The following DENND1B variants were observed in gnomAD, a reference collection of about 807,000 sequenced individuals.
DENND1B encodes DENN domain containing 1B.
DENND1B carries 59 observed loss-of-function variants against 90.1 expected under a neutral mutation model. That is an observed-to-expected ratio of 0.65 (90% CI 0.53 to 0.81). The LOEUF is 0.81. Among genes scored for constraint, DENND1B ranks in the 40% least tolerant of loss-of-function variants. DENND1B has a pLI of 0.00. For synonymous variants in DENND1B, 337 were observed against 324.6 expected (o/e 1.04, Z -0.41); for missense variants, 862 against 912.6 (o/e 0.94, Z 0.71).
Position 197,770,650 on chromosome 1 carries a change from ATATAT to A in DENND1B, c.82+2213_82+2217del, listed in dbSNP as rs1279373826. Among the ~76,000 whole-genome samples, 352 of 144,652 alleles carry A rather than the reference ATATAT, an allele frequency of 2.4e-3. 6 individuals are homozygous for A. The highest frequency in any genetic ancestry group is 7.7e-3 in the East Asian group (39 of 5,086). The allele number at this position is 144,652 out of a possible 152,430, so 94.9% of individuals were successfully genotyped here. On this transcript the variant is annotated intron_variant, in intron 2 of 22. Transcript: ENST00000620048. ...TATATAAAAATATATATCTATAAAT[ATATAT>A]CTATAAATATATATCTATAAATATA...
intron 7 of DENND1B, 50 bp from the exon 8 acceptor site, chr1:197,647,164 G>T: frequency 7.8e-7 from 1 of 1,283,984 alleles, no homozygotes; most frequent in Non-Finnish European, 1.0e-6. Context: ...CATGGGAGAA[G>T]CTTACACAAC....
chr1:197,642,353 T>C (rs1369365003), intron 10 of DENND1B, among the ~76,000 whole-genome samples: 1 of 152,186 alleles, frequency 6.6e-6, no homozygotes, highest in Non-Finnish European at 1.5e-5. Context: ...GGCCCCTTGA[T>C]TTCTTTCAAG....
chr1:197,537,971 T>C (rs960662194), intron 20 of DENND1B, among the ~76,000 whole-genome samples: 1 of 152,038 alleles, frequency 6.6e-6, no homozygotes. Context: ...ATTACATTCA[T>C]GAATCATAAC....
chr1:197,719,655 T>C (rs1660973277), intron 2 of DENND1B, among the ~76,000 whole-genome samples: 1 of 152,166 alleles, frequency 6.6e-6, no homozygotes, highest in South Asian at 2.1e-4. Context: ...ACATGGCATT[T>C]AATGGCAGCA....
chr1:197,778,600 C>T (rs1657354848), upstream of DENND1B, among the ~76,000 whole-genome samples: 1 of 151,896 alleles, frequency 6.6e-6, no homozygotes, highest in Non-Finnish European at 1.5e-5. Flanking sequence ...TCACTTGAAC[C>T]TGGGAGGCAG....
At chr1:197,589,929 T>C (rs974606394) in intron 14 of DENND1B, among the ~76,000 whole-genome samples, 8 of 152,206 alleles carry the variant, frequency 5.3e-5, no homozygotes, top group African/African-American at 1.7e-4. Context: ...TTGAATATAC[T>C]AAACAATATT....
intron 2 of DENND1B, among the ~76,000 whole-genome samples, chr1:197,763,553 C>T (rs1034301411): frequency 6.6e-6 from 1 of 152,204 alleles, no homozygotes. Context: ...AGGCAAGTTA[C>T]ACTGTAGCAG....
chr1:197,741,912 G>A (rs903764650), intron 2 of DENND1B, among the ~76,000 whole-genome samples: 3 of 152,090 alleles, frequency 2.0e-5, no homozygotes, highest in Non-Finnish European at 4.4e-5. Context: ...CTTAAGTATG[G>A]AAGAACTTCA....
intron 15 of DENND1B, among the ~76,000 whole-genome samples, chr1:197,560,647 C>A (rs1672084809): frequency 6.6e-6 from 1 of 151,766 alleles, no homozygotes. Flanking sequence ...ACTCAGCAGG[C>A]CTGTGGCAGG....
At chr1:197,614,304 C>G (rs1677446206) in intron 11 of DENND1B, among the ~76,000 whole-genome samples, 1 of 150,986 alleles carries the variant, frequency 6.6e-6, no homozygotes. Context: ...GAACTGTAAA[C>G]ATTATTAACC....
At chr1:197,525,937 T>C (rs938833856) in intron 20 of DENND1B, among the ~76,000 whole-genome samples, 8 of 152,084 alleles carry the variant, frequency 5.3e-5, no homozygotes, top group Non-Finnish European at 1.0e-4. Flanking sequence ...ATAACTGATA[T>C]TATATTCATA....
intron 2 of DENND1B, among the ~76,000 whole-genome samples, chr1:197,760,109 G>T (rs1382377100): frequency 6.6e-6 from 1 of 152,188 alleles, no homozygotes. Flanking sequence ...ATCTTAAAAT[G>T]TATAAGATGA....
At chr1:197,733,364 T>G (rs1010280682) in intron 2 of DENND1B, among the ~76,000 whole-genome samples, 1 of 152,214 alleles carries the variant, frequency 6.6e-6, no homozygotes, top group Non-Finnish European at 1.5e-5. Flanking sequence ...AAACACAGCA[T>G]ACAAACCTTG....
chr1:197,540,289 ATAAAT>A (rs1396731985), intron 19 of DENND1B, among the ~76,000 whole-genome samples: 2 of 151,800 alleles, frequency 1.3e-5, no homozygotes, highest in East Asian at 1.9e-4. Flanking sequence ...ATTTATACTG[ATAAAT>A]TTAATTTAAT....
At chr1:197,584,904 C>A (rs1439924497) in intron 14 of DENND1B, among the ~76,000 whole-genome samples, 1 of 152,172 alleles carries the variant, frequency 6.6e-6, no homozygotes, top group Non-Finnish European at 1.5e-5. Context: ...AACTCCTGGG[C>A]TCAAGTGATC....
chr1:197,607,163 G>A lies in DENND1B; in HGVS notation c.831C>T (p.Asn277=). ...IHSSLIERVK[N]KSLEDVVMLN... ...ACATAACAACATCTTCCAATGATTT[G>A]TTTTTCACTCTCTATAAAAAAAACA... Residue 277 remains asparagine, a synonymous_variant, in exon 13 of 23, where the codon AAC becomes AAT. Transcript: ENST00000620048. The A allele has an allele frequency of 6.6e-7, 1 of 1,507,404 alleles. No individual in the cohort carries two copies. The highest frequency in any genetic ancestry group is 8.8e-7 in the Non-Finnish European group (1 of 1,131,746). 93.4% of individuals were successfully genotyped at this position (1,507,404 alleles called of 1,614,324 possible).
At chr1:197,582,469 A>G (rs1288092245) in intron 15 of DENND1B, among the ~76,000 whole-genome samples, 1 of 152,186 alleles carries the variant, frequency 6.6e-6, no homozygotes, top group African/African-American at 2.4e-5. Flanking sequence ...TAACATTGTC[A>G]TGCGGAATAA....
chr1:197,737,084 A>G (rs1242940605), intron 2 of DENND1B, among the ~76,000 whole-genome samples: 1 of 152,158 alleles, frequency 6.6e-6, no homozygotes, highest in South Asian at 2.1e-4. Context: ...GCCCTCATCC[A>G]TTCCTAACTC....
chr1:197,655,247 T>C (rs1653680232), intron 6 of DENND1B, among the ~76,000 whole-genome samples: 1 of 152,204 alleles, frequency 6.6e-6, no homozygotes, highest in African/African-American at 2.4e-5. Flanking sequence ...GTTTCTACAA[T>C]TATAAAATGG....
Sources: gnomAD v4.1 joint callset for allele counts (sites outside exome capture counted in the v4.1 genomes callset) on GRCh38, gnomAD v4.1.1 for gene constraint, MANE v1.5 for transcripts, NCBI Gene and HGNC (gene_info 2026-07-23, HGNC 2026-07-21) for gene names.